GPRC6A: variants seen among roughly 807,000 people sequenced by gnomAD.
GPRC6A encodes G protein-coupled receptor class C group 6 member A.
A neutral mutation model predicts 47.0 loss-of-function variants in GPRC6A; 54 were observed. That is an observed-to-expected ratio of 1.15 (90% CI 0.92 to 1.44). The LOEUF (loss-of-function observed/expected upper bound fraction) is 1.44. GPRC6A is among the 40% of genes most tolerant of loss of function. GPRC6A has a pLI of 0.00. For synonymous variants in GPRC6A, 347 were observed against 377.1 expected (o/e 0.92, Z 0.93); for missense variants, 1,112 against 1,105.5 (o/e 1.01, Z -0.08).
At chr6:116,800,449 A>G in intron 4 of GPRC6A, 135 bp downstream of exon 4, 1 of 661,820 alleles carries the variant, frequency 1.5e-6, no homozygotes, top group Non-Finnish European at 2.8e-6. Flanking sequence ...TAGGAGCTAC[A>G]CTGATTAGGC....
At chr6:116,805,608 G>A (rs1213125004) in intron 3 of GPRC6A, among the ~76,000 whole-genome samples, 2 of 139,300 alleles carry the variant, frequency 1.4e-5, no homozygotes, top group Non-Finnish European at 3.2e-5. Flanking sequence ...TTGTTCAAGG[G>A]CATTTGAGAA....
At chr6:116,806,294 C>G (rs1772833498) in intron 3 of GPRC6A, 76 bp downstream of exon 3, 1 of 900,318 alleles carries the variant, frequency 1.1e-6, no homozygotes, top group Admixed American at 2.2e-5. Flanking sequence ...TAATATAAAT[C>G]TTTGCAAATT....
At chr6:116,800,155 T>C (rs1772612892) in intron 4 of GPRC6A, among the ~76,000 whole-genome samples, 1 of 152,016 alleles carries the variant, frequency 6.6e-6, no homozygotes. Flanking sequence ...ATCATGAATT[T>C]AAAATGAGAC....
intron 1 of GPRC6A, among the ~76,000 whole-genome samples, chr6:116,828,085 T>C (rs1041844839): frequency 6.6e-5 from 10 of 152,082 alleles, no homozygotes; most frequent in African/African-American, 2.2e-4. Context: ...TGAGAAAATA[T>C]ACACAACAGT....
chr6:116,800,308 C>G (rs1006821043), intron 4 of GPRC6A, among the ~76,000 whole-genome samples: 1 of 133,868 alleles, frequency 7.5e-6, no homozygotes, highest in Admixed American at 7.8e-5. Flanking sequence ...CTCTCTCTCC[C>G]TTTCTTTCTT....
chr6:116,812,132 T>G (rs1324701917), intron 1 of GPRC6A, among the ~76,000 whole-genome samples: 1 of 152,052 alleles, frequency 6.6e-6, no homozygotes, highest in African/African-American at 2.4e-5. Context: ...AGAAAAGAAT[T>G]TAGTCACCTC....
chr6:116,820,013 A>G (rs1773401153), intron 1 of GPRC6A, among the ~76,000 whole-genome samples: 1 of 151,032 alleles, frequency 6.6e-6, no homozygotes, highest in African/African-American at 2.4e-5. Context: ...GCAATAAAAA[A>G]TGATAAAAGG....
chr6:116,796,879 T>A (rs903546289), intron 4 of GPRC6A, among the ~76,000 whole-genome samples: 1 of 152,112 alleles, frequency 6.6e-6, no homozygotes, highest in Non-Finnish European at 1.5e-5. Flanking sequence ...AAGGATTTTA[T>A]TTATTTATTT....
intron 1 of GPRC6A, among the ~76,000 whole-genome samples, chr6:116,816,662 G>C (rs1475552201): frequency 6.6e-6 from 1 of 152,348 alleles, no homozygotes; most frequent in Non-Finnish European, 1.5e-5. Flanking sequence ...GACAGTGGGC[G>C]CAGGTCAGTG....
chr6:116,795,615 T>G, intron 5 of GPRC6A, 97 bp downstream of exon 5: 1 of 1,054,964 alleles, frequency 9.5e-7, no homozygotes, highest in East Asian at 2.6e-5. Flanking sequence ...GCTTTTTAAA[T>G]TTTTTCAAAT....
Position 116,806,408 on chromosome 6 carries a change from G to C in GPRC6A, c.1297C>G (p.Arg433Gly). Reference protein sequence around the residue: ...GYAIRDLCQARDCQNPNAFQP... With the variant: ...GYAIRDLCQAGDCQNPNAFQP... Reference sequence around the variant, plus strand: ...AAGGCGTTGGGGTTCTGACAGTCACGAGCTTGACACAGATCCCGAATGGCA... The same window carrying C: ...AAGGCGTTGGGGTTCTGACAGTCACCAGCTTGACACAGATCCCGAATGGCA... The change falls in exon 3 of 6, where the codon CGT (arginine) becomes GGT (glycine). Residue 433 changes from arginine (R) to glycine (G), a missense_variant. Arg to Gly is a moderately radical substitution (Grantham distance 125). Transcript: ENST00000310357. The C allele has an allele frequency of 6.2e-7, 1 of 1,612,530 alleles. No homozygotes were observed. Among genetic ancestry groups the C allele is most frequent in the Non-Finnish European group, 8.5e-7 (1 of 1,178,974 alleles).
chr6:116,814,643 A>G (rs1334391513), intron 1 of GPRC6A, among the ~76,000 whole-genome samples: 1 of 152,144 alleles, frequency 6.6e-6, no homozygotes. Flanking sequence ...TAGGAGAAAT[A>G]CTTAATGTAA....
Position 116,828,944 on chromosome 6 carries a change from G to A in GPRC6A, c.70C>T (p.Pro24Ser). The A allele has an allele frequency of 3.1e-6, 5 of 1,613,342 alleles. No homozygotes were observed. Among genetic ancestry groups the A allele is most frequent in the Middle Eastern group, 3.3e-4 (2 of 6,062 alleles). Residue 24 changes from proline to serine, a missense_variant, in exon 1 of 6, where the codon CCT becomes TCT. Physicochemically the swap from Pro to Ser is moderately conservative, Grantham distance 74 (BLOSUM62 -1). Transcript: ENST00000310357. ...GAAGTGGCAGCCACAAAGTCATCAG[G>A]GGTCTGGCAAGGCTGTGAAGTAGCA... ...ILATSQPCQT[P>S]DDFVAATSPG...
At chr6:116,809,962 C>T (rs142093225) in intron 1 of GPRC6A, among the ~76,000 whole-genome samples, 196 of 152,158 alleles carry the variant, frequency 1.3e-3, no homozygotes, top group South Asian at 9.1e-3. Flanking sequence ...GCTTTTTAGA[C>T]TCATAAGCCT....
At chr6:116,805,980 C>T (rs1368457204) in intron 3 of GPRC6A, among the ~76,000 whole-genome samples, 1 of 152,024 alleles carries the variant, frequency 6.6e-6, no homozygotes, top group Non-Finnish European at 1.5e-5. Context: ...TTCTGGTACT[C>T]CCCAGCTTTA....
chr6:116,812,642 GT>G (rs1773064595), intron 1 of GPRC6A, among the ~76,000 whole-genome samples: 6 of 152,158 alleles, frequency 3.9e-5, no homozygotes, highest in Non-Finnish European at 8.8e-5. Flanking sequence ...TAGACTGGCT[GT>G]CAATATTATA....
rs1562479802 is a variant in GPRC6A at position 116,800,550 on chromosome 6, T to C, written c.1548+34A>G. On this transcript the variant is annotated intron_variant, in intron 4 of 5. Coordinates refer to ENST00000310357, the MANE Select transcript of GPRC6A (RefSeq NM_148963.4). ...TTTTGCAGTTGAGGTACCAATTGCT[T>C]TGAGTGCTACAAAACGGCCTACAAC... The C allele has an allele frequency of 4.9e-6, 7 of 1,416,052 alleles. No individual in the cohort carries two copies. In the South Asian group the frequency reaches 6.9e-5, roughly 14 times the overall value. The allele number at this position is 1,416,052 out of a possible 1,614,324, so 87.7% of individuals were successfully genotyped here.
At chr6:116,814,590 C>T (rs1182776018) in intron 1 of GPRC6A, among the ~76,000 whole-genome samples, 1 of 152,140 alleles carries the variant, frequency 6.6e-6, no homozygotes, top group Non-Finnish European at 1.5e-5. Flanking sequence ...ACATCACACA[C>T]TGGGGCTTGT....
intron 3 of GPRC6A, among the ~76,000 whole-genome samples, chr6:116,803,872 G>C (rs1436343897): frequency 6.6e-6 from 1 of 152,002 alleles, no homozygotes; most frequent in African/African-American, 2.4e-5. Flanking sequence ...CTGCCATCTT[G>C]TGTTTATGTG....
Sources: gnomAD v4.1 joint callset for allele counts (sites outside exome capture counted in the v4.1 genomes callset) on GRCh38, gnomAD v4.1.1 for gene constraint, MANE v1.5 for transcripts, NCBI Gene and HGNC (gene_info 2026-07-23, HGNC 2026-07-21) for gene names.